Variants in ZDHHC2 observed in about 807,000 individuals in gnomAD.
ZDHHC2 encodes palmitoyltransferase ZDHHC2.
ZDHHC2 carries 51 observed loss-of-function variants against 55.6 expected under a neutral mutation model. The ratio of observed to expected loss-of-function variants is 0.92; its 90% CI spans 0.73 to 1.16. The LOEUF (loss-of-function observed/expected upper bound fraction) is 1.16. ZDHHC2 is among the 50% of genes most tolerant of loss of function. The probability of loss-of-function intolerance (pLI) is 0.00; values close to 1 mark genes in which losing one functional copy is unlikely to be tolerated. For missense variants in ZDHHC2, 491 were observed against 442.4 expected, an observed-to-expected ratio of 1.11 and a Z score of -0.99; for synonymous variants, 199 against 152.9, an observed-to-expected ratio of 1.30 and a Z score of -2.22.
intron 10 of ZDHHC2, among the ~76,000 whole-genome samples, chr8:17,214,522 G>C (rs1807548328): frequency 6.6e-6 from 1 of 151,998 alleles, no homozygotes; most frequent in South Asian, 2.1e-4. Context: ...ATATTTTTCT[G>C]TATTTAAATT....
chr8:17,209,844 C>T lies in ZDHHC2; in HGVS notation c.731-88C>T, dbSNP rs1807288281. 4 of 1,413,938 alleles carry T rather than the reference C, an allele frequency of 2.8e-6. No individual in the cohort carries two copies. In the Admixed American group the frequency reaches 9.0e-5, roughly 32 times the overall value. The allele number at this position is 1,413,938 out of a possible 1,614,324, so 87.6% of individuals were successfully genotyped here. A position where few individuals can be genotyped will look rare whatever the true frequency, so the allele number is the denominator to read the frequency against. On this transcript the variant is annotated intron_variant, in intron 8 of 12. Coordinates refer to ENST00000262096, the MANE Select transcript of ZDHHC2 (RefSeq NM_016353.5). ...AGCTAGCCATTGATTTTCAGAGTTT[C>T]TTCATTTACTTCAATTATTGATAAA... is the stretch of plus-strand genomic sequence containing the variant.
At chr8:17,163,671 G>A (rs941984349) in intron 1 of ZDHHC2, among the ~76,000 whole-genome samples, 17 of 152,018 alleles carry the variant, frequency 1.1e-4, no homozygotes, top group African/African-American at 3.6e-4. Context: ...TGTATTCATG[G>A]GTCCCCTGAG....
chr8:17,208,226 T>C, intron 8 of ZDHHC2, 134 bp downstream of exon 8: 1 of 876,272 alleles, frequency 1.1e-6, no homozygotes, highest in African/African-American at 1.7e-5. Flanking sequence ...TCATTGTTTT[T>C]TTGATATGTC....
At chr8:17,164,036 G>A (rs777535530) in intron 1 of ZDHHC2, among the ~76,000 whole-genome samples, 19 of 152,120 alleles carry the variant, frequency 1.2e-4, no homozygotes, top group African/African-American at 3.4e-4. Context: ...ATCAAGGCAG[G>A]GGGTAGGAGG....
chr8:17,215,700 G>T (rs1325702419), intron 11 of ZDHHC2, among the ~76,000 whole-genome samples: 1 of 152,072 alleles, frequency 6.6e-6, no homozygotes, highest in Non-Finnish European at 1.5e-5. Flanking sequence ...CTACTGAAAA[G>T]GACCTTAAAT....
chr8:17,168,652 C>A (rs1280170922), intron 1 of ZDHHC2, among the ~76,000 whole-genome samples: 1 of 152,162 alleles, frequency 6.6e-6, no homozygotes, highest in Non-Finnish European at 1.5e-5. Flanking sequence ...AACCCTCATT[C>A]TTCCCTCCCC....
At chr8:17,178,486 A>G (rs1031218264) in intron 1 of ZDHHC2, among the ~76,000 whole-genome samples, 1 of 152,192 alleles carries the variant, frequency 6.6e-6, no homozygotes, top group African/African-American at 2.4e-5. Flanking sequence ...ATAAAAGGCT[A>G]AACAGTAAAT....
chr8:17,202,721 TTA>T (rs71964858), intron 6 of ZDHHC2, among the ~76,000 whole-genome samples: 2 of 138,074 alleles, frequency 1.4e-5, no homozygotes, highest in Non-Finnish European at 3.0e-5. Context: ...TTTCTTCTAG[TTA>T]TATATATATA....
intron 3 of ZDHHC2, among the ~76,000 whole-genome samples, chr8:17,190,008 A>G (rs957406849): frequency 1.3e-5 from 2 of 152,196 alleles, no homozygotes; most frequent in Non-Finnish European, 2.9e-5. Context: ...ATGCTCTAGT[A>G]TGGAGAGCAA....
chr8:17,186,958 A>G (rs933453934), intron 3 of ZDHHC2, among the ~76,000 whole-genome samples: 2 of 152,144 alleles, frequency 1.3e-5, no homozygotes, highest in Non-Finnish European at 2.9e-5. Flanking sequence ...TGCGGTTCCA[A>G]CCATCACATC....
intron 12 of ZDHHC2, among the ~76,000 whole-genome samples, chr8:17,218,770 T>G (rs757864778): frequency 2.0e-5 from 3 of 152,214 alleles, no homozygotes; most frequent in Non-Finnish European, 2.9e-5. Context: ...TGTCATGTTT[T>G]CTATTCTATC....
chr8:17,198,442 T>C (rs1407052356), intron 6 of ZDHHC2, 29 bp downstream of exon 6: 1 of 1,576,752 alleles, frequency 6.3e-7, no homozygotes. Context: ...TAAACAAGTT[T>C]GTGTCCCTTG....
intron 1 of ZDHHC2, among the ~76,000 whole-genome samples, chr8:17,167,119 T>C (rs773972136): frequency 2.2e-4 from 33 of 152,132 alleles, no homozygotes; most frequent in Non-Finnish European, 3.2e-4. Context: ...TTGGGACATA[T>C]GTTTCTTGGA....
chr8:17,216,490 G>C (rs1807656125), intron 11 of ZDHHC2, among the ~76,000 whole-genome samples: 1 of 152,118 alleles, frequency 6.6e-6, no homozygotes, highest in Non-Finnish European at 1.5e-5. Flanking sequence ...GCAAGGACTA[G>C]GCATTGCCTA....
Position 17,202,721 on chromosome 8 carries a change from T to TTATATATATA in ZDHHC2, c.477-2929_477-2920dup, listed in dbSNP as rs71964858. ...ATAAATGTCACTATATTTCTTCTAG[T>TTATATATATA]TATATATATATATACACACACACAC... On this transcript the variant is annotated intron_variant, in intron 6 of 12. Transcript: ENST00000262096. 7.5e-3 allele frequency among the ~76,000 whole-genome samples: 1,039 copies of TTATATATATA among 138,062 alleles called. 8 individuals carry two copies. Among genetic ancestry groups the TTATATATATA allele is most frequent in the African/African-American group, 0.021 (724 of 34,818 alleles). 90.6% of individuals were successfully genotyped at this position (138,062 alleles called of 152,430 possible).
At chr8:17,217,095 A>G (rs1807687373) in intron 11 of ZDHHC2, 77 bp from the exon 12 acceptor site, 1 of 1,441,270 alleles carries the variant, frequency 6.9e-7, no homozygotes, top group Non-Finnish European at 9.6e-7. Context: ...GGGATTCCTT[A>G]TTCATAGATG....
chr8:17,171,427 G>A (rs184254387), intron 1 of ZDHHC2, among the ~76,000 whole-genome samples: 27 of 152,328 alleles, frequency 1.8e-4, no homozygotes, highest in Admixed American at 2.6e-4. Context: ...AGTGCAGTCA[G>A]TGATTCAGAA....
chr8:17,221,829 A>G lies in ZDHHC2; in HGVS notation c.*1608A>G, dbSNP rs551027298. The stretch of plus-strand genomic sequence containing the variant: ...TCTGCTTCAAGAAATCTCAGAAAAT[A>G]TGATAACATTTTAACTTTCATTTTA... On this transcript the variant is annotated 3_prime_UTR_variant, in exon 13 of 13. Coordinates refer to ENST00000262096, the MANE Select transcript of ZDHHC2 (RefSeq NM_016353.5). 8 of 152,626 alleles carry G rather than the reference A, an allele frequency of 5.2e-5. No homozygotes were observed. The South Asian group carries it at 1.7e-3, about 32-fold the overall frequency. 9.5% of individuals were successfully genotyped at this position (152,626 alleles called of 1,614,324 possible).
chr8:17,162,189 C>G (rs1426441133), intron 1 of ZDHHC2, among the ~76,000 whole-genome samples: 1 of 152,150 alleles, frequency 6.6e-6, no homozygotes, highest in African/African-American at 2.4e-5. Context: ...GACAATGCAG[C>G]ATTACTATTT....
Sources: gnomAD v4.1 joint callset for allele counts (sites outside exome capture counted in the v4.1 genomes callset) on GRCh38, gnomAD v4.1.1 for gene constraint, MANE v1.5 for transcripts, NCBI Gene and HGNC (gene_info 2026-07-23, HGNC 2026-07-21) for gene names.